The following NUFIP1 variants were observed in gnomAD, a reference collection of about 807,000 sequenced individuals.
NUFIP1 encodes nuclear FMR1 interacting protein 1.
In NUFIP1, 38 loss-of-function variants were observed where a neutral mutation model predicts 56.2. That is an observed-to-expected ratio of 0.68 (90% CI 0.52 to 0.89). NUFIP1 has a LOEUF of 0.89. NUFIP1 is among the 40% of genes least tolerant of loss of function. The probability of loss-of-function intolerance (pLI) is 0.00; values close to 1 mark genes in which losing one functional copy is unlikely to be tolerated. For missense variants in NUFIP1, 567 were observed against 605.8 expected (o/e 0.94, Z 0.67); for synonymous variants, 215 against 212.4 (o/e 1.01, Z -0.10).
At chr13:44,987,334 C>T (rs538691953) in intron 1 of NUFIP1, among the ~76,000 whole-genome samples, 4 of 151,790 alleles carry the variant, frequency 2.6e-5, no homozygotes, top group South Asian at 4.2e-4. Context: ...GCCAAGATCA[C>T]GCCATTGCAC....
At chr13:44,948,330 T>C (rs571886383) in intron 8 of NUFIP1, among the ~76,000 whole-genome samples, 3 of 151,958 alleles carry the variant, frequency 2.0e-5, no homozygotes, top group Non-Finnish European at 4.4e-5. Flanking sequence ...TTTGTAGAGA[T>C]GGGGTTTCAC....
chr13:44,976,466 A>T (rs1184167980), intron 5 of NUFIP1, among the ~76,000 whole-genome samples: 1 of 151,944 alleles, frequency 6.6e-6, no homozygotes, highest in Non-Finnish European at 1.5e-5. Flanking sequence ...AAGAAGAAAA[A>T]GAAGAATAAC....
chr13:44,955,433 C>G (rs373151079), intron 7 of NUFIP1, among the ~76,000 whole-genome samples: 19 of 152,282 alleles, frequency 1.2e-4, no homozygotes, highest in South Asian at 8.3e-4. Flanking sequence ...TATGAAGATC[C>G]TCTAGAACTT....
At position 44,979,879 on chromosome 13, in the gene NUFIP1, A is replaced by C. The variant is rs1872124891; in HGVS notation, c.657+11T>G. On this transcript the variant is annotated intron_variant, in intron 4 of 9. Transcript: ENST00000379161. ...ATGTATTTAAAAATAGGATAAAAAA[A>C]CAGAACTTACATTTCTCCAATGGAA... The C allele has an allele frequency of 3.2e-6, 5 of 1,581,366 alleles. No homozygotes were observed. Among genetic ancestry groups the C allele is most frequent in the Non-Finnish European group, 4.3e-6 (5 of 1,166,732 alleles).
In NUFIP1 at chr13:44,989,290, T is replaced by A. The variant is rs114437324; in HGVS notation, c.147A>T (p.Pro49=). The part of the protein sequence containing the change: ...FWAMLPPPPP[P]LTSSLPAAGS... ...CGGCTGCGGGAAGCGAGGACGTAAG[T>A]GGTGGTGGCGGTGGCGGCAGCATTG... The change falls in exon 1 of 10, where the codon CCA becomes CCT. Residue 49 remains proline, a synonymous_variant. Coordinates refer to ENST00000379161, the MANE Select transcript of NUFIP1 (RefSeq NM_012345.3). 3.0e-5 allele frequency: 49 copies of A among 1,613,278 alleles called. No homozygotes were observed. The highest frequency in any genetic ancestry group is 5.1e-6 in the Non-Finnish European group (6 of 1,179,874).
intron 1 of NUFIP1, among the ~76,000 whole-genome samples, chr13:44,985,299 T>G (rs1419076118): frequency 6.6e-6 from 1 of 152,226 alleles, no homozygotes; most frequent in Non-Finnish European, 1.5e-5. Context: ...TCTCAGTTAA[T>G]AGCAACTCCA....
At chr13:44,981,388 A>G (rs1473779326) in intron 2 of NUFIP1, among the ~76,000 whole-genome samples, 1 of 152,164 alleles carries the variant, frequency 6.6e-6, no homozygotes, top group Non-Finnish European at 1.5e-5. Context: ...TTTCATTTCT[A>G]TACTAACCGA....
chr13:44,948,091 C>G (rs923933815), intron 8 of NUFIP1, among the ~76,000 whole-genome samples: 1 of 151,498 alleles, frequency 6.6e-6, no homozygotes, highest in Non-Finnish European at 1.5e-5. Context: ...TTGATTATCT[C>G]TAGCCTAGTC....
intron 6 of NUFIP1, among the ~76,000 whole-genome samples, chr13:44,964,950 T>C (rs1410918071): frequency 6.6e-6 from 1 of 152,238 alleles, no homozygotes; most frequent in Non-Finnish European, 1.5e-5. Flanking sequence ...AACTCAGTTG[T>C]CTTCCCAGAA....
intron 5 of NUFIP1, among the ~76,000 whole-genome samples, chr13:44,978,705 AG>A (rs916672776): frequency 5.3e-5 from 8 of 152,180 alleles, no homozygotes; most frequent in Non-Finnish European, 1.2e-4. Flanking sequence ...CATCTTATTT[AG>A]CGGTAAGCCT....
At chr13:44,961,788 C>T (rs551073696) in intron 6 of NUFIP1, among the ~76,000 whole-genome samples, 43 of 152,246 alleles carry the variant, frequency 2.8e-4, no homozygotes, top group African/African-American at 9.9e-4. Context: ...ATGCCTTCCC[C>T]GTTATCTTTT....
intron 8 of NUFIP1, among the ~76,000 whole-genome samples, chr13:44,946,983 G>A (rs542862010): frequency 1.3e-5 from 2 of 152,252 alleles, no homozygotes; most frequent in African/African-American, 4.8e-5. Flanking sequence ...TGAAGCAAGG[G>A]TTTTTTCCTT....
chr13:44,988,897 G>C (rs1872538607), intron 1 of NUFIP1, 128 bp downstream of exon 1: 1 of 896,460 alleles, frequency 1.1e-6, no homozygotes, highest in Non-Finnish European at 1.7e-6. Flanking sequence ...ACTTTGCTTT[G>C]AGATGCTAAT....
intron 6 of NUFIP1, among the ~76,000 whole-genome samples, chr13:44,964,624 G>C (rs1033932647): frequency 1.3e-5 from 2 of 152,110 alleles, no homozygotes; most frequent in African/African-American, 4.8e-5. Context: ...TACAGAAAGA[G>C]AGAGAACTCT....
chr13:44,941,180 G>T lies in NUFIP1; in HGVS notation c.*26C>A. On this transcript the variant is annotated 3_prime_UTR_variant, in exon 10 of 10. Transcript: ENST00000379161. The stretch of plus-strand genomic sequence containing the variant: ...GGATGATACTGTTTCACATGCTTCA[G>T]TTATGTATGCTGAAACACCAGATGC... 8.6e-7 allele frequency: 1 copy of T among 1,167,230 alleles called. No individual in the cohort carries two copies. Among genetic ancestry groups the T allele is most frequent in the Non-Finnish European group, 1.3e-6 (1 of 787,086 alleles). 72.3% of individuals were successfully genotyped at this position (1,167,230 alleles called of 1,614,324 possible).
At chr13:44,951,296 A>C (rs1871077758) in intron 7 of NUFIP1, among the ~76,000 whole-genome samples, 1 of 152,184 alleles carries the variant, frequency 6.6e-6, no homozygotes, top group African/African-American at 2.4e-5. Flanking sequence ...AGGTAACAAA[A>C]AGTACAGTAA....
In NUFIP1 at chr13:44,989,295, G is replaced by C. The variant is rs776965585; in HGVS notation, c.142C>G (p.Pro48Ala). ...MFWAMLPPPP[P>A]PLTSSLPAAG... Reference sequence around the variant, plus strand: ...GCGGGAAGCGAGGACGTAAGTGGTGGTGGCGGTGGCGGCAGCATTGCCCAG... The same window carrying C: ...GCGGGAAGCGAGGACGTAAGTGGTGCTGGCGGTGGCGGCAGCATTGCCCAG... Residue 48 changes from proline to alanine, a missense_variant, in exon 1 of 10, where the codon CCA becomes GCA. By Grantham distance (27) the Pro-to-Ala change is conservative. Transcript: ENST00000379161. The C allele has an allele frequency of 6.2e-7, 1 of 1,613,458 alleles. No individual in the cohort carries two copies. The highest frequency in any genetic ancestry group is 8.5e-7 in the Non-Finnish European group (1 of 1,179,846).
chr13:44,942,376 A>C (rs1382493670), intron 9 of NUFIP1, among the ~76,000 whole-genome samples: 2 of 152,190 alleles, frequency 1.3e-5, no homozygotes, highest in Non-Finnish European at 2.9e-5. Flanking sequence ...CATCATACAG[A>C]AACTTTCAGT....
chr13:44,958,602 T>C (rs1162148928), intron 7 of NUFIP1, among the ~76,000 whole-genome samples: 2 of 152,172 alleles, frequency 1.3e-5, no homozygotes, highest in African/African-American at 2.4e-5. Flanking sequence ...GCCAACATCA[T>C]CCAAGCTAAA....
Sources: allele counts gnomAD v4.1 joint callset (sites outside exome capture counted in the v4.1 genomes callset), GRCh38; gene constraint gnomAD v4.1.1; transcripts MANE v1.5; gene names NCBI Gene and HGNC (gene_info 2026-07-23, HGNC 2026-07-21).